The following BFSP2 variants were observed in gnomAD, a reference collection of about 807,000 sequenced individuals.
The protein encoded by BFSP2 is phakinin.
Under a neutral mutation model 44.9 loss-of-function variants are expected in BFSP2, and 38 were observed. The observed-to-expected ratio is 0.85, with a 90% confidence interval of 0.65 to 1.11. The LOEUF is 1.11. Among genes scored for constraint, BFSP2 ranks in the 50% least tolerant of loss-of-function variants. BFSP2 has a pLI of 0.00. For missense variants in BFSP2, 525 were observed against 533.0 expected, an observed-to-expected ratio of 0.99 and a Z score of 0.15; for synonymous variants, 197 against 209.9, an observed-to-expected ratio of 0.94 and a Z score of 0.53.
chr3:133,460,020 G>A (rs2074047533), intron 4 of BFSP2, among the ~76,000 whole-genome samples: 1 of 152,170 alleles, frequency 6.6e-6, no homozygotes, highest in South Asian at 2.1e-4. Context: ...TGAGTAAGAA[G>A]TTGTTCCTAT....
intron 3 of BFSP2, chr3:133,449,005 G>T: frequency 4.0e-6 from 1 of 252,438 alleles, no homozygotes; most frequent in Non-Finnish European, 7.8e-6. Context: ...ACAACTCTGA[G>T]GGTAGATCCA....
rs200573601 is a variant in BFSP2, at chr3:133,466,951, C to T, written c.1015C>T (p.Arg339Cys). The T allele has an allele frequency of 1.7e-5, 28 of 1,613,934 alleles. No homozygotes were observed. The highest frequency in any genetic ancestry group is 3.3e-5 in the Admixed American group (2 of 59,994). ...CCTCCAGGCTGAGACAGAATCCTTA[C>T]GTGCCCTGGTAAGTGGGCCAAGGAA... Reference protein sequence around the residue: ...QSLQAETESLRALKRGLENTL... With the variant: ...QSLQAETESLCALKRGLENTL... The change falls in exon 5 of 7, where the codon CGT (arginine) becomes TGT (cysteine). Residue 339 changes from arginine (R) to cysteine (C), a missense_variant. Coordinates refer to ENST00000302334, the MANE Select transcript of BFSP2 (RefSeq NM_003571.4).
At chr3:133,416,578 CT>C in intron 1 of BFSP2, among the ~76,000 whole-genome samples, 1 of 144,816 alleles carries the variant, frequency 6.9e-6, no homozygotes. Context: ...CTACTAACCC[CT>C]TCCATCTCCC....
At chr3:133,462,614 A>C (rs938424987) in intron 4 of BFSP2, among the ~76,000 whole-genome samples, 4 of 152,254 alleles carry the variant, frequency 2.6e-5, no homozygotes, top group African/African-American at 9.6e-5. Context: ...TATATGTGCC[A>C]ATCACATTCA....
At chr3:133,417,916 G>GTT (rs1384269240) in intron 1 of BFSP2, among the ~76,000 whole-genome samples, 24 of 56,232 alleles carry the variant, frequency 4.3e-4, no homozygotes, top group East Asian at 2.4e-3. Flanking sequence ...ACTCACCCCT[G>GTT]CCATCTCCCC....
At chr3:133,436,913 T>C (rs1042765523) in intron 1 of BFSP2, among the ~76,000 whole-genome samples, 1 of 148,990 alleles carries the variant, frequency 6.7e-6, no homozygotes, top group Non-Finnish European at 1.5e-5. Flanking sequence ...GTTTCATCCA[T>C]GTCCCTACAA....
At chr3:133,431,238 T>G (rs1304037897) in intron 1 of BFSP2, among the ~76,000 whole-genome samples, 4 of 152,166 alleles carry the variant, frequency 2.6e-5, no homozygotes, top group Admixed American at 6.5e-5. Flanking sequence ...CAACAGGATT[T>G]AATTAACCTC....
At chr3:133,418,611 C>A (rs1413872284) in intron 1 of BFSP2, among the ~76,000 whole-genome samples, 3 of 152,152 alleles carry the variant, frequency 2.0e-5, no homozygotes, top group Non-Finnish European at 4.4e-5. Flanking sequence ...TCCAGCCACC[C>A]CCCGGAATGG....
At chr3:133,409,035 A>G (rs2073426523) in intron 1 of BFSP2, among the ~76,000 whole-genome samples, 1 of 152,256 alleles carries the variant, frequency 6.6e-6, no homozygotes, top group Non-Finnish European at 1.5e-5. Context: ...ATAAAAAGAA[A>G]CAAATGAATC....
chr3:133,410,739 C>T, intron 1 of BFSP2: 1 of 238,166 alleles, frequency 4.2e-6, no homozygotes. Flanking sequence ...GTCCTCTGAG[C>T]GCTACAGTAG....
At chr3:133,413,490 G>A (rs1013714315) in intron 1 of BFSP2, among the ~76,000 whole-genome samples, 4 of 152,086 alleles carry the variant, frequency 2.6e-5, no homozygotes, top group Non-Finnish European at 5.9e-5. Context: ...TTTTTACGGG[G>A]GAATTAGTGA....
intron 1 of BFSP2, among the ~76,000 whole-genome samples, chr3:133,428,096 C>T (rs751597533): frequency 4.6e-5 from 7 of 152,296 alleles, no homozygotes; most frequent in African/African-American, 1.7e-4. Context: ...GGTCCACTCT[C>T]GACAGACTAA....
chr3:133,457,388 A>C (rs2074021746), intron 4 of BFSP2, among the ~76,000 whole-genome samples: 1 of 152,246 alleles, frequency 6.6e-6, no homozygotes, highest in African/African-American at 2.4e-5. Context: ...TATAATAGAT[A>C]ATACATTCAC....
At chr3:133,438,785 G>T (rs980327059) in intron 1 of BFSP2, among the ~76,000 whole-genome samples, 1 of 152,204 alleles carries the variant, frequency 6.6e-6, no homozygotes, top group Non-Finnish European at 1.5e-5. Flanking sequence ...TAGCCTCCCA[G>T]ATGGGGTGGA....
chr3:133,433,832 G>A (rs780750945), intron 1 of BFSP2, among the ~76,000 whole-genome samples: 3 of 152,108 alleles, frequency 2.0e-5, no homozygotes, highest in Non-Finnish European at 2.9e-5. Flanking sequence ...TACCACTTTC[G>A]CTTCTCAGAA....
intron 5 of BFSP2, 21 bp downstream of exon 5, chr3:133,466,980 C>T (rs746355076): frequency 9.9e-6 from 16 of 1,613,014 alleles, no homozygotes; most frequent in Non-Finnish European, 1.4e-5. Context: ...CAAGGAAAGA[C>T]CTGGTGTCCT....
In BFSP2 at chr3:133,472,342, T is replaced by C; in HGVS notation, c.1024-3T>C. 1 of 1,609,954 alleles carries C rather than the reference T, an allele frequency of 6.2e-7. No homozygotes were observed. Among genetic ancestry groups the C allele is most frequent in the Non-Finnish European group, 8.5e-7 (1 of 1,179,738 alleles). Reference sequence around the variant, plus strand: ...GGTTTGGACCGGGTTCGCTCTTTTGTAGAAACGAGGCCTGGAGAACACCTT... The same window carrying C: ...GGTTTGGACCGGGTTCGCTCTTTTGCAGAAACGAGGCCTGGAGAACACCTT... On this transcript the variant is annotated splice_region_variant and splice_polypyrimidine_tract_variant and intron_variant, in intron 5 of 6. Transcript: ENST00000302334.
chr3:133,442,197 T>C (rs1236787772), intron 1 of BFSP2, among the ~76,000 whole-genome samples: 1 of 152,200 alleles, frequency 6.6e-6, no homozygotes, highest in African/African-American at 2.4e-5. Flanking sequence ...TGGAGTGCAG[T>C]GGTGCAATCA....
At chr3:133,468,364 T>G (rs2074131579) in intron 5 of BFSP2, among the ~76,000 whole-genome samples, 3 of 152,232 alleles carry the variant, frequency 2.0e-5, no homozygotes, top group South Asian at 4.1e-4. Context: ...ATTTTGGCTA[T>G]CATATCTAGT....
Sources: gnomAD v4.1 joint callset for allele counts (sites outside exome capture counted in the v4.1 genomes callset) on GRCh38, gnomAD v4.1.1 for gene constraint, MANE v1.5 for transcripts, NCBI Gene and HGNC (gene_info 2026-07-23, HGNC 2026-07-21) for gene names.